Variants in GPR158 observed in about 807,000 individuals in gnomAD.
GPR158 encodes the protein metabotropic glycine receptor.
GPR158 carries 30 observed loss-of-function variants against 78.2 expected under a neutral mutation model. That is an observed-to-expected ratio of 0.38 (90% CI 0.29 to 0.52). GPR158 has a LOEUF of 0.52. GPR158 is among the 20% of genes least tolerant of loss of function. The pLI, the probability that GPR158 is intolerant of heterozygous loss-of-function variation, is 0.83. For missense variants in GPR158, 1,463 were observed against 1,523.5 expected (o/e 0.96, Z 0.66); for synonymous variants, 581 against 591.1 (o/e 0.98, Z 0.25).
chr10:25,406,184 C>G (rs1834513088), intron 3 of GPR158, among the ~76,000 whole-genome samples: 1 of 152,162 alleles, frequency 6.6e-6, no homozygotes, highest in South Asian at 2.1e-4. Context: ...CTGAAGCCCT[C>G]TAAGCTTGCT....
intron 4 of GPR158, among the ~76,000 whole-genome samples, chr10:25,457,140 CTTTTTTTTTTTTT>C: frequency 1.7e-5 from 1 of 59,418 alleles, no homozygotes; most frequent in East Asian, 3.5e-4. Flanking sequence ...CCATGCCCAC[CTTTTTTTTTTTTT>C]TTTTTTTTTT....
intron 2 of GPR158, among the ~76,000 whole-genome samples, chr10:25,232,704 A>G (rs147674059): frequency 3.4e-3 from 524 of 152,284 alleles, no homozygotes; most frequent in Non-Finnish European, 5.6e-3. Context: ...CAAGCAGAAC[A>G]TGAAGTATTG....
intron 1 of GPR158, among the ~76,000 whole-genome samples, chr10:25,212,728 T>C (rs1349661431): frequency 7.0e-6 from 1 of 143,016 alleles, no homozygotes; most frequent in Admixed American, 7.6e-5. Flanking sequence ...GCCTCCTGGG[T>C]TCAAGCGATT....
At chr10:25,226,833 G>A (rs1216831930) in intron 2 of GPR158, among the ~76,000 whole-genome samples, 1 of 152,144 alleles carries the variant, frequency 6.6e-6, no homozygotes, top group Non-Finnish European at 1.5e-5. Context: ...CATCGCTTTT[G>A]ACCAATTGCC....
chr10:25,378,640 A>AT (rs1024687557), intron 2 of GPR158, among the ~76,000 whole-genome samples: 1 of 151,384 alleles, frequency 6.6e-6, no homozygotes, highest in African/African-American at 2.4e-5. Flanking sequence ...TTATATTAAT[A>AT]TTTTTTAATA....
chr10:25,360,832 T>G (rs71495446), intron 2 of GPR158, among the ~76,000 whole-genome samples: 16,873 of 151,996 alleles, frequency 0.11, 1,970 homozygotes, highest in African/African-American at 0.3. Context: ...GATAGCATTG[T>G]ATCTATAAAT....
At chr10:25,558,611 G>T (rs984581009) in intron 6 of GPR158, among the ~76,000 whole-genome samples, 3 of 152,194 alleles carry the variant, frequency 2.0e-5, no homozygotes, top group African/African-American at 7.2e-5. Context: ...TTTCTGTGAT[G>T]TGCCAGAGGC....
intron 2 of GPR158, among the ~76,000 whole-genome samples, chr10:25,328,285 A>G (rs910325711): frequency 5.9e-5 from 9 of 152,184 alleles, no homozygotes; most frequent in African/African-American, 1.4e-4. Flanking sequence ...GATTGAAGTG[A>G]AGGTCTCAGA....
intron 4 of GPR158, among the ~76,000 whole-genome samples, chr10:25,443,090 A>ATT (rs5783931): frequency 1.5e-4 from 23 of 148,836 alleles, no homozygotes; most frequent in African/African-American, 3.7e-4. Context: ...CCACCCCACT[A>ATT]TTTTTTTTTT....
Position 25,452,525 on chromosome 10 carries a change from C to A in GPR158, c.1336-14126C>A, listed in dbSNP as rs989084016. 5.9e-5 allele frequency among the ~76,000 whole-genome samples: 9 copies of A among 152,248 alleles called. No individual in the cohort carries two copies. In the East Asian group the frequency reaches 1.7e-3, roughly 29 times the overall value. ...ACCCAGCATGTCATGGCACTTGTCA[C>A]ATCAGAAAAGCTGGACTTCCTTATT... On this transcript the variant is annotated intron_variant, in intron 4 of 10. Transcript: ENST00000376351.
At chr10:25,545,654 C>T (rs1230467656) in intron 5 of GPR158, among the ~76,000 whole-genome samples, 1 of 152,052 alleles carries the variant, frequency 6.6e-6, no homozygotes, top group Non-Finnish European at 1.5e-5. Context: ...CAGCTTGTTA[C>T]AGATTATATT....
intron 2 of GPR158, among the ~76,000 whole-genome samples, chr10:25,336,054 TATCAAATGTGAAGATAG>T (rs949785835): frequency 4.6e-5 from 7 of 152,106 alleles, no homozygotes; most frequent in African/African-American, 1.7e-4. Flanking sequence ...TCATTGTTAT[TATCAAATGTGAAGATAG>T]ATCATTGTCA....
At chr10:25,321,480 G>A (rs1443234486) in intron 2 of GPR158, among the ~76,000 whole-genome samples, 1 of 152,130 alleles carries the variant, frequency 6.6e-6, no homozygotes, top group East Asian at 1.9e-4. Context: ...TGATATTTAG[G>A]AAATTCATCT....
rs1855509083 is a variant in GPR158 at position 25,353,829 on chromosome 10, T to A, written c.1009-42082T>A. 2.6e-5 allele frequency among the ~76,000 whole-genome samples: 4 copies of A among 152,178 alleles called. No individual in the cohort carries two copies. The South Asian group carries it at 8.3e-4, about 32-fold the overall frequency. ...ATTCAGCCACTGTAAACCTTGTAAT[T>A]GGAGAATTGAGACCATTCACGTTGT... is the stretch of plus-strand genomic sequence containing the variant. On this transcript the variant is annotated intron_variant, in intron 2 of 10. Transcript: ENST00000376351.
chr10:25,256,773 A>T (rs1053182391), intron 2 of GPR158, among the ~76,000 whole-genome samples: 2 of 152,202 alleles, frequency 1.3e-5, no homozygotes, highest in Non-Finnish European at 2.9e-5. Context: ...CTAATTAAAC[A>T]TATAGATATG....
At chr10:25,456,704 G>T (rs1835295918) in intron 4 of GPR158, among the ~76,000 whole-genome samples, 1 of 152,156 alleles carries the variant, frequency 6.6e-6, no homozygotes. Context: ...TAGCAGTCAG[G>T]TGAAACTGAG....
At chr10:25,588,572 G>C (rs1466729429) in intron 7 of GPR158, among the ~76,000 whole-genome samples, 1 of 152,220 alleles carries the variant, frequency 6.6e-6, no homozygotes, top group African/African-American at 2.4e-5. Context: ...GCTTAGTGCA[G>C]TTAGAACTTA....
Position 25,572,863 on chromosome 10 carries a change from C to T in GPR158, c.1729C>T (p.Arg577Cys), listed in dbSNP as rs547187950. 1.5e-5 allele frequency: 24 copies of T among 1,604,960 alleles called. 4 individuals are homozygous for T. In the Admixed American group the frequency reaches 2.0e-4, roughly 13 times the overall value. Residue 577 changes from arginine to cysteine, a missense_variant, in exon 7 of 11, where the codon CGC (arginine) becomes TGC (cysteine). Coordinates refer to ENST00000376351, the MANE Select transcript of GPR158 (RefSeq NM_020752.3). ...CATCTTCAATATGTGCCTCATTGAC[C>T]GCTGGGACTACATGACAGCAGTTGG... is the stretch of plus-strand genomic sequence containing the variant. ...HLIFNMCLID[R>C]WDYMTAVAEF... is the part of the protein sequence containing the mutation.
chr10:25,241,372 C>CTCTTT (rs1554787300), intron 2 of GPR158, among the ~76,000 whole-genome samples: 3 of 102,948 alleles, frequency 2.9e-5, no homozygotes, highest in African/African-American at 1.7e-4. Flanking sequence ...CTTTTCTTTT[C>CTCTTT]TCTCTTCTCT....
Sources: gnomAD v4.1 joint callset for allele counts (sites outside exome capture counted in the v4.1 genomes callset) on GRCh38, gnomAD v4.1.1 for gene constraint, MANE v1.5 for transcripts, NCBI Gene and HGNC (gene_info 2026-07-23, HGNC 2026-07-21) for gene names.